Variants in LHFPL6 observed in about 807,000 individuals in gnomAD.
LHFPL6 encodes the protein LHFPL tetraspan subfamily member 6 protein.
Under a neutral mutation model 20.6 loss-of-function variants are expected in LHFPL6, and 9 were observed. That is an observed-to-expected ratio of 0.44 (90% CI 0.26 to 0.76). The LOEUF (loss-of-function observed/expected upper bound fraction) is 0.76. LHFPL6 is among the 30% of genes least tolerant of loss of function. LHFPL6 has a pLI of 0.20. For missense variants in LHFPL6, 218 were observed against 253.5 expected, an observed-to-expected ratio of 0.86 and a Z score of 0.95; for synonymous variants, 105 against 98.7, an observed-to-expected ratio of 1.06 and a Z score of -0.38.
intron 2 of LHFPL6, among the ~76,000 whole-genome samples, chr13:39,422,036 G>A (rs557348457): frequency 1.3e-5 from 2 of 152,172 alleles, no homozygotes; most frequent in South Asian, 4.1e-4. Flanking sequence ...TATTACTAAT[G>A]ATTAAGTCTT....
intron 2 of LHFPL6, among the ~76,000 whole-genome samples, chr13:39,590,215 G>C (rs1027518274): frequency 1.3e-5 from 2 of 152,114 alleles, no homozygotes; most frequent in African/African-American, 4.8e-5. Flanking sequence ...AACTGAATAA[G>C]TTCTACAGAT....
intron 2 of LHFPL6, among the ~76,000 whole-genome samples, chr13:39,526,367 C>T (rs1254865726): frequency 6.6e-6 from 1 of 152,148 alleles, no homozygotes; most frequent in African/African-American, 2.4e-5. Context: ...GGGAGAAACT[C>T]GTTTTTGTAC....
chr13:39,542,776 C>T (rs73466825), intron 2 of LHFPL6, among the ~76,000 whole-genome samples: 1 of 152,160 alleles, frequency 6.6e-6, no homozygotes. Context: ...AAATACTTGT[C>T]GAGCCCGTTA....
intron 2 of LHFPL6, among the ~76,000 whole-genome samples, chr13:39,590,137 GC>G (rs1186732761): frequency 2.6e-5 from 4 of 152,014 alleles, no homozygotes; most frequent in Non-Finnish European, 5.9e-5. Flanking sequence ...TGGTTTTCAT[GC>G]TCTAAAATTC....
At chr13:39,542,076 T>C (rs1870821161) in intron 2 of LHFPL6, among the ~76,000 whole-genome samples, 1 of 144,764 alleles carries the variant, frequency 6.9e-6, no homozygotes, top group Admixed American at 7.0e-5. Context: ...GGGCAACAGA[T>C]AGAGACTCTA....
Position 39,469,129 on chromosome 13 carries a change from C to A in LHFPL6, c.386-90603G>T, listed in dbSNP as rs375965893. ...TTAACTCTCTTGCCAGTAGAGCTGC[C>A]CTGAAAGTACTTCAAGTCACTCTAC... is the stretch of plus-strand genomic sequence containing the variant. On this transcript the variant is annotated intron_variant, in intron 2 of 3. Coordinates refer to ENST00000379589, the MANE Select transcript of LHFPL6 (RefSeq NM_005780.3). Among the ~76,000 whole-genome samples, 19 of 152,266 alleles carry A rather than the reference C, an allele frequency of 1.2e-4. No individual in the cohort carries two copies. The East Asian group carries it at 1.9e-3, about 15-fold the overall frequency.
intron 2 of LHFPL6, among the ~76,000 whole-genome samples, chr13:39,577,989 A>G (rs1324260231): frequency 6.6e-6 from 1 of 152,142 alleles, no homozygotes; most frequent in Non-Finnish European, 1.5e-5. Flanking sequence ...ATAATATTTT[A>G]AAATAGAAAT....
chr13:39,390,865 C>T (rs572721484), intron 2 of LHFPL6, among the ~76,000 whole-genome samples: 4 of 152,112 alleles, frequency 2.6e-5, no homozygotes, highest in East Asian at 3.9e-4. Flanking sequence ...GGCGTGGTGG[C>T]GTGCACCTGT....
chr13:39,412,537 T>G (rs1253526628), intron 2 of LHFPL6, among the ~76,000 whole-genome samples: 5 of 152,224 alleles, frequency 3.3e-5, no homozygotes, highest in Non-Finnish European at 7.3e-5. Context: ...TTCTGGCGAT[T>G]GATTAATTTC....
intron 2 of LHFPL6, among the ~76,000 whole-genome samples, chr13:39,581,016 G>C (rs909596479): frequency 6.6e-6 from 1 of 152,174 alleles, no homozygotes; most frequent in African/African-American, 2.4e-5. Context: ...TGAGGAAACA[G>C]TTTTTTCTGG....
rs577568588 is a variant in LHFPL6 at position 39,554,859 on chromosome 13, C to T, written c.385+45973G>A. Among the ~76,000 whole-genome samples, 3 of 152,302 alleles carry T rather than the reference C, an allele frequency of 2.0e-5. No homozygotes were observed. In the East Asian group the frequency reaches 5.8e-4, roughly 29 times the overall value. On this transcript the variant is annotated intron_variant, in intron 2 of 3. Coordinates refer to ENST00000379589, the MANE Select transcript of LHFPL6 (RefSeq NM_005780.3). ...AGTTTAACCTCTACTTAGTCAAGTA[C>T]TAAAGGTTGTAAATTTTTGACAGCA...
intron 2 of LHFPL6, among the ~76,000 whole-genome samples, chr13:39,590,975 T>C (rs1872574171): frequency 6.6e-6 from 1 of 152,172 alleles, no homozygotes; most frequent in African/African-American, 2.4e-5. Flanking sequence ...CAAACAACTC[T>C]CTTAGAAAGA....
At chr13:39,359,030 C>T (rs142214518) in intron 3 of LHFPL6, among the ~76,000 whole-genome samples, 18 of 151,002 alleles carry the variant, frequency 1.2e-4, no homozygotes, top group Non-Finnish European at 2.4e-4. Context: ...ATCAGCAGGG[C>T]GGGCGCCTGT....
intron 2 of LHFPL6, among the ~76,000 whole-genome samples, chr13:39,485,685 T>C (rs149282866): frequency 2.7e-3 from 412 of 152,240 alleles, no homozygotes; most frequent in Non-Finnish European, 4.2e-3. Flanking sequence ...TGAAAATAAG[T>C]ACATTTTCAG....
At chr13:39,390,855 G>C (rs559526464) in intron 2 of LHFPL6, among the ~76,000 whole-genome samples, 11 of 152,188 alleles carry the variant, frequency 7.2e-5, no homozygotes, top group African/African-American at 2.4e-4. Flanking sequence ...AAATTAGCCA[G>C]GCGTGGTGGC....
chr13:39,580,000 A>G (rs984715344), intron 2 of LHFPL6, among the ~76,000 whole-genome samples: 11 of 152,216 alleles, frequency 7.2e-5, no homozygotes, highest in Non-Finnish European at 7.3e-5. Flanking sequence ...TAAATGAGAA[A>G]ATGTATATAA....
intron 2 of LHFPL6, among the ~76,000 whole-genome samples, chr13:39,406,596 G>T (rs1871117016): frequency 9.7e-6 from 1 of 103,188 alleles, no homozygotes; most frequent in South Asian, 3.3e-4. Context: ...ATCTCAAGTT[G>T]TTCAATATTT....
intron 2 of LHFPL6, among the ~76,000 whole-genome samples, chr13:39,434,890 A>T: frequency 6.6e-6 from 1 of 151,670 alleles, no homozygotes. Flanking sequence ...CCCCGTCTCT[A>T]CTAAAAATAC....
At position 39,443,680 on chromosome 13, in the gene LHFPL6, C is replaced by T. The variant is rs554275561; in HGVS notation, c.386-65154G>A. ...ATGGAGTGTAAGGGCCATTCCAATA[C>T]GGTATCAGACAGACATAAGAAGCAA... On this transcript the variant is annotated intron_variant, in intron 2 of 3. Transcript: ENST00000379589. Among the ~76,000 whole-genome samples the T allele has an allele frequency of 6.6e-5, 10 of 152,006 alleles. No individual in the cohort carries two copies. In the East Asian group the frequency reaches 7.7e-4, roughly 12 times the overall value.
Sources: gnomAD v4.1 joint callset for allele counts (sites outside exome capture counted in the v4.1 genomes callset) on GRCh38, gnomAD v4.1.1 for gene constraint, MANE v1.5 for transcripts, NCBI Gene and HGNC (gene_info 2026-07-23, HGNC 2026-07-21) for gene names.